CRACD: variants seen among roughly 807,000 people sequenced by gnomAD.
The protein encoded by CRACD is capping protein-inhibiting regulator of actin dynamics.
A neutral mutation model predicts 106.8 loss-of-function variants in CRACD; 56 were observed. That is an observed-to-expected ratio of 0.52 (90% CI 0.42 to 0.66). The LOEUF is 0.66. Ranked by LOEUF, CRACD falls within the 30% of genes least tolerant of loss-of-function variation. CRACD has a pLI of 0.00. For missense variants in CRACD, 1,730 were observed against 1,623.2 expected (o/e 1.07, Z -1.13); for synonymous variants, 754 against 670.8 (o/e 1.12, Z -1.92).
At chr4:56,187,715 C>G (rs1737145350) in intron 2 of CRACD, among the ~76,000 whole-genome samples, 1 of 151,580 alleles carries the variant, frequency 6.6e-6, no homozygotes, top group South Asian at 2.1e-4. Flanking sequence ...CCAAGTGAAG[C>G]CAAGATTTCG....
At chr4:56,114,395 A>G (rs1734215557) in intron 1 of CRACD, among the ~76,000 whole-genome samples, 1 of 151,940 alleles carries the variant, frequency 6.6e-6, no homozygotes, top group Non-Finnish European at 1.5e-5. Context: ...CCTAGAAGAT[A>G]CTCCAATGAC....
chr4:56,216,911 C>T (rs1027996042), intron 2 of CRACD, among the ~76,000 whole-genome samples: 232 of 139,210 alleles, frequency 1.7e-3, no homozygotes, highest in African/African-American at 5.8e-3. Flanking sequence ...ACCCGGGAAG[C>T]GGAGCTTGCA....
chr4:56,127,674 C>G (rs1734703109), intron 1 of CRACD, among the ~76,000 whole-genome samples: 1 of 152,122 alleles, frequency 6.6e-6, no homozygotes, highest in Non-Finnish European at 1.5e-5. Flanking sequence ...GCACCTATTT[C>G]CCTAGGGTCT....
intron 1 of CRACD, among the ~76,000 whole-genome samples, chr4:56,149,132 T>C (rs1435523538): frequency 6.6e-6 from 1 of 152,182 alleles, no homozygotes; most frequent in African/African-American, 2.4e-5. Context: ...TGGATTTTAA[T>C]AAATGTATGT....
At chr4:56,105,068 T>C (rs1161752300) in intron 1 of CRACD, among the ~76,000 whole-genome samples, 1 of 152,186 alleles carries the variant, frequency 6.6e-6, no homozygotes, top group Non-Finnish European at 1.5e-5. Context: ...TAGAATATTA[T>C]TGATCTTTCA....
chr4:56,239,250 G>A (rs1740210814), intron 2 of CRACD, among the ~76,000 whole-genome samples: 1 of 151,838 alleles, frequency 6.6e-6, no homozygotes, highest in Admixed American at 6.6e-5. Context: ...TCAAGATGGT[G>A]CCACTGCACT....
intron 1 of CRACD, among the ~76,000 whole-genome samples, chr4:56,160,781 G>A (rs1735924955): frequency 6.6e-6 from 1 of 152,226 alleles, no homozygotes; most frequent in Non-Finnish European, 1.5e-5. Flanking sequence ...CCTGTTACGT[G>A]ATAAACTCTG....
intron 2 of CRACD, among the ~76,000 whole-genome samples, chr4:56,249,751 C>T (rs1305691335): frequency 6.6e-6 from 1 of 152,126 alleles, no homozygotes; most frequent in Admixed American, 6.5e-5. Context: ...AGTTTTGTGT[C>T]ATTATTAGGA....
chr4:56,068,843 C>T (rs1732545051), intron 1 of CRACD, among the ~76,000 whole-genome samples: 1 of 152,064 alleles, frequency 6.6e-6, no homozygotes, highest in Non-Finnish European at 1.5e-5. Flanking sequence ...CTCGCCCCCT[C>T]CCCGAGACTC....
At position 56,315,730 on chromosome 4, in the gene CRACD, A is replaced by C. The variant is rs1210349215; in HGVS notation, c.2228A>C (p.Glu743Ala). Reference protein sequence around the residue: ...TETSKQSTEAESIRKRPMLGP... With the variant: ...TETSKQSTEAASIRKRPMLGP... ...ACCTCCAAACAGAGCACGGAAGCTG[A>C]AAGCATACGAAAAAGACCCATGCTG... Residue 743 changes from glutamate to alanine, a missense_variant, in exon 8 of 11, where the codon GAA becomes GCA. Physicochemically the swap from Glu to Ala is moderately radical, Grantham distance 107. Coordinates refer to ENST00000682029, the MANE Select transcript of CRACD (RefSeq NM_001393381.1). The surrounding 1 kb of genome is among the most constrained non-coding windows in gnomAD (Gnocchi z 4.1). 8 of 1,614,122 alleles carry C rather than the reference A, an allele frequency of 5.0e-6. No individual in the cohort carries two copies. The highest frequency in any genetic ancestry group is 6.8e-6 in the Non-Finnish European group (8 of 1,180,060).
intron 1 of CRACD, among the ~76,000 whole-genome samples, chr4:56,168,801 A>G (rs1045230548): frequency 1.3e-5 from 2 of 151,936 alleles, no homozygotes; most frequent in Non-Finnish European, 2.9e-5. Context: ...TTCCTTTCCT[A>G]CCTTTAGGTC....
At position 56,182,863 on chromosome 4, in the gene CRACD, A is replaced by ATGTGTGTGTGTGTGTG. The variant is rs34291347; in HGVS notation, c.-189+3457_-189+3472dup. 2.5e-3 allele frequency among the ~76,000 whole-genome samples: 359 copies of ATGTGTGTGTGTGTGTG among 144,808 alleles called. 6 individuals carry two copies. The East Asian group carries it at 0.026, about 11-fold the overall frequency. 95.0% of individuals were successfully genotyped at this position (144,808 alleles called of 152,430 possible). The stretch of plus-strand genomic sequence containing the variant: ...CTCATACAACGTAGAAAAAAAAGAT[A>ATGTGTGTGTGTGTGTG]TGTGTGTGTGTGTGTGTGTGTGTGT... On this transcript the variant is annotated intron_variant, in intron 2 of 10. Transcript: ENST00000682029.
intron 2 of CRACD, among the ~76,000 whole-genome samples, chr4:56,180,664 C>T (rs978467440): frequency 1.4e-4 from 22 of 152,076 alleles, no homozygotes; most frequent in Non-Finnish European, 2.4e-4. Flanking sequence ...CAACAGTGAC[C>T]TATTACGATA....
intron 2 of CRACD, among the ~76,000 whole-genome samples, chr4:56,257,764 C>T (rs1192219134): frequency 3.3e-5 from 5 of 152,076 alleles, no homozygotes; most frequent in Non-Finnish European, 7.4e-5. Flanking sequence ...GAGTCTGGTA[C>T]CTTTTTAAGT....
At chr4:56,105,786 C>T (rs1022859389) in intron 1 of CRACD, among the ~76,000 whole-genome samples, 7 of 152,198 alleles carry the variant, frequency 4.6e-5, no homozygotes, top group Admixed American at 2.0e-4. Context: ...ATGATTCTAA[C>T]TGAAATATCT....
chr4:56,072,948 T>C (rs909856850), intron 1 of CRACD, among the ~76,000 whole-genome samples: 1 of 152,250 alleles, frequency 6.6e-6, no homozygotes, highest in Non-Finnish European at 1.5e-5. Flanking sequence ...TTCTTTTTTA[T>C]GGCTGCATAG....
At chr4:56,298,427 T>G (rs1467971034) in intron 4 of CRACD, 78 bp downstream of exon 4, 1 of 1,558,410 alleles carries the variant, frequency 6.4e-7, no homozygotes, top group African/African-American at 1.4e-5. Context: ...GTCCCGAGCT[T>G]GGCCTTGAGT....
Position 56,108,188 on chromosome 4 carries a change from G to A in CRACD, c.-336+58889G>A, listed in dbSNP as rs559132647. Among the ~76,000 whole-genome samples the A allele has an allele frequency of 5.3e-5, 8 of 152,146 alleles. No homozygotes were observed. The East Asian group carries it at 5.8e-4, about 11-fold the overall frequency. ...TCTCAATTACAAAGGGAGAAAATAC[G>A]GAAAATACTATTTTTACAGTTGAGA... On this transcript the variant is annotated intron_variant, in intron 1 of 10. Coordinates refer to ENST00000682029, the MANE Select transcript of CRACD (RefSeq NM_001393381.1).
intron 4 of CRACD, among the ~76,000 whole-genome samples, chr4:56,301,863 A>AT (rs897719621): frequency 5.3e-5 from 8 of 151,970 alleles, no homozygotes; most frequent in Non-Finnish European, 7.4e-5. Context: ...AAAAATCACC[A>AT]TTTTTTTTCT....
Sources: gnomAD v4.1 joint callset for allele counts (sites outside exome capture counted in the v4.1 genomes callset) on GRCh38, gnomAD v4.1.1 for gene constraint, Gnocchi (gnomAD v3.1) non-coding constraint, MANE v1.5 for transcripts, NCBI Gene and HGNC (gene_info 2026-07-23, HGNC 2026-07-21) for gene names.